NTM: variants seen among roughly 807,000 people sequenced by gnomAD.
NTM encodes IgLON family member 2.
Under a neutral mutation model 42.1 loss-of-function variants are expected in NTM, and 13 were observed. That is an observed-to-expected ratio of 0.31 (90% CI 0.20 to 0.49). The LOEUF (loss-of-function observed/expected upper bound fraction) is 0.49, where lower values mean the gene tolerates loss of function less well. Among genes scored for constraint, NTM ranks in the 20% least tolerant of loss-of-function variants. The pLI is 0.99. For missense variants in NTM, 373 were observed against 452.8 expected (o/e 0.82, Z 1.60); for synonymous variants, 187 against 179.2 (o/e 1.04, Z -0.35).
chr11:131,717,067 C>T (rs1415118773), intron 1 of NTM, among the ~76,000 whole-genome samples: 2 of 152,074 alleles, frequency 1.3e-5, no homozygotes, highest in Non-Finnish European at 2.9e-5. Context: ...TCTTGAACTC[C>T]TGGGTTCAAG....
intron 2 of NTM, among the ~76,000 whole-genome samples, chr11:132,080,634 A>C (rs2058916891): frequency 6.6e-6 from 1 of 152,156 alleles, no homozygotes; most frequent in African/African-American, 2.4e-5. Flanking sequence ...GGGCTCTGGG[A>C]AGCCCTTTAA....
chr11:131,679,426 T>C (rs1032214964), intron 1 of NTM, among the ~76,000 whole-genome samples: 1 of 152,006 alleles, frequency 6.6e-6, no homozygotes, highest in Non-Finnish European at 1.5e-5. Context: ...CTTTAGAAGG[T>C]ACTGGGTTGA....
At chr11:132,029,538 A>G (rs2075649261) in intron 2 of NTM, among the ~76,000 whole-genome samples, 1 of 151,860 alleles carries the variant, frequency 6.6e-6, no homozygotes, top group African/African-American at 2.4e-5. Context: ...TTTCCTTTTC[A>G]TGTGAAAAGC....
chr11:131,892,992 C>T (rs1376587884), intron 1 of NTM, among the ~76,000 whole-genome samples: 3 of 152,204 alleles, frequency 2.0e-5, no homozygotes, highest in Non-Finnish European at 4.4e-5. Flanking sequence ...TAAGAAGTCA[C>T]TTTGGACTTT....
rs111943476 is a variant in NTM at position 131,907,030 on chromosome 11, A to G, written c.83-4534A>G. Reference sequence around the variant, plus strand: ...AGATTTACACATCCTTTTCTGATTAAATCTTCCAATATCTATTTGATGTCA... The same window carrying G: ...AGATTTACACATCCTTTTCTGATTAGATCTTCCAATATCTATTTGATGTCA... On this transcript the variant is annotated intron_variant, in intron 1 of 8. Transcript: ENST00000683400. Among the ~76,000 whole-genome samples the G allele has an allele frequency of 3.2e-3, 488 of 152,290 alleles. 1 individual carries two copies. The highest frequency in any genetic ancestry group is 9.6e-3 in the African/African-American group (400 of 41,564).
intron 2 of NTM, among the ~76,000 whole-genome samples, chr11:132,007,100 C>T (rs1466250294): frequency 6.6e-6 from 1 of 152,202 alleles, no homozygotes; most frequent in Non-Finnish European, 1.5e-5. Flanking sequence ...AAAAGCTCCT[C>T]CCTGTCACAC....
At chr11:131,537,114 G>C (rs1414201168) in intron 1 of NTM, 1 of 150,802 alleles carries the variant, frequency 6.6e-6, no homozygotes, top group Non-Finnish European at 1.5e-5. Flanking sequence ...TGCCTCTCTT[G>C]CTGAGTGACT....
intron 2 of NTM, among the ~76,000 whole-genome samples, chr11:132,134,430 G>A (rs188698283): frequency 1.1e-4 from 16 of 151,738 alleles, no homozygotes; most frequent in Middle Eastern, 3.4e-3. Flanking sequence ...ACCTTCACTC[G>A]AGCAGTGTAC....
At chr11:131,859,998 T>A (rs2046465071) in intron 1 of NTM, among the ~76,000 whole-genome samples, 1 of 152,126 alleles carries the variant, frequency 6.6e-6, no homozygotes, top group Admixed American at 6.5e-5. Flanking sequence ...ATGTGTTTCT[T>A]ATATGTGAGT....
chr11:132,092,410 G>C (rs1371325699), intron 2 of NTM, among the ~76,000 whole-genome samples: 1 of 152,104 alleles, frequency 6.6e-6, no homozygotes. Context: ...CTTTCCAAGG[G>C]GGAACTTTGC....
intron 2 of NTM, among the ~76,000 whole-genome samples, chr11:132,066,320 C>T (rs553891192): frequency 3.3e-5 from 5 of 152,272 alleles, no homozygotes; most frequent in East Asian, 3.9e-4. Context: ...ATTTTGCTTA[C>T]GTCTTTATTG....
chr11:131,526,228 C>T (rs1032869409), intron 1 of NTM, among the ~76,000 whole-genome samples: 1 of 152,168 alleles, frequency 6.6e-6, no homozygotes, highest in Non-Finnish European at 1.5e-5. Context: ...CCCAGTCTGA[C>T]CCCCACTTTA....
chr11:132,095,685 C>T (rs1424437829), intron 2 of NTM, among the ~76,000 whole-genome samples: 10 of 152,178 alleles, frequency 6.6e-5, no homozygotes, highest in Non-Finnish European at 1.5e-4. Flanking sequence ...TGTGTCTAGG[C>T]GTGGTTGTCA....
chr11:132,069,641 AGGT>A (rs2057139540), intron 2 of NTM, among the ~76,000 whole-genome samples: 2 of 150,096 alleles, frequency 1.3e-5, no homozygotes, highest in African/African-American at 4.9e-5. Context: ...GTTAGTTAAC[AGGT>A]CACCCAGCCA....
intron 1 of NTM, among the ~76,000 whole-genome samples, chr11:131,733,488 T>G (rs2079977503): frequency 6.7e-6 from 1 of 148,544 alleles, no homozygotes; most frequent in Non-Finnish European, 1.5e-5. Flanking sequence ...CCTTCCTTCC[T>G]TCCTTCCTTC....
chr11:131,633,325 TG>T (rs2063853744), intron 1 of NTM, among the ~76,000 whole-genome samples: 1 of 152,172 alleles, frequency 6.6e-6, no homozygotes, highest in Non-Finnish European at 1.5e-5. Flanking sequence ...TATGTCCCAT[TG>T]ACTCTAAATG....
At chr11:132,315,651 T>C (rs993793279) in intron 7 of NTM, among the ~76,000 whole-genome samples, 1 of 152,134 alleles carries the variant, frequency 6.6e-6, no homozygotes, top group Non-Finnish European at 1.5e-5. Context: ...TTTGGGATAA[T>C]CCCATGGCCC....
intron 2 of NTM, among the ~76,000 whole-genome samples, chr11:132,103,120 A>G (rs1008637860): frequency 2.0e-5 from 3 of 152,234 alleles, no homozygotes; most frequent in African/African-American, 7.2e-5. Flanking sequence ...GCAGGGGCAG[A>G]TGTTTCTGGA....
chr11:131,405,126 G>A (rs1945668265), intron 1 of NTM, among the ~76,000 whole-genome samples: 1 of 152,136 alleles, frequency 6.6e-6, no homozygotes, highest in African/African-American at 2.4e-5. Flanking sequence ...GGGAGAAATG[G>A]GCAAATCCCT....
Sources: allele counts gnomAD v4.1 joint callset (sites outside exome capture counted in the v4.1 genomes callset), GRCh38; gene constraint gnomAD v4.1.1; transcripts MANE v1.5; gene names NCBI Gene and HGNC (gene_info 2026-07-23, HGNC 2026-07-21).